The following SPAG9 variants were observed in gnomAD, a reference collection of about 807,000 sequenced individuals.
SPAG9 encodes the protein C-Jun-amino-terminal kinase-interacting protein 4.
SPAG9 carries 35 observed loss-of-function variants against 166.5 expected under a neutral mutation model. The ratio of observed to expected loss-of-function variants is 0.21; its 90% CI spans 0.16 to 0.28. The LOEUF (loss-of-function observed/expected upper bound fraction) is 0.28. SPAG9 is among the 10% of genes least tolerant of loss of function. SPAG9 has a pLI of 1.00. For missense variants in SPAG9, 1,235 were observed against 1,603.3 expected (o/e 0.77, Z 3.92); for synonymous variants, 534 against 565.5 (o/e 0.94, Z 0.79).
chr17:51,062,921 A>C (rs1294755355), intron 2 of SPAG9, among the ~76,000 whole-genome samples: 3 of 152,012 alleles, frequency 2.0e-5, no homozygotes, highest in Non-Finnish European at 4.4e-5. Flanking sequence ...CAAACAGTTT[A>C]TTTCTTTTTA....
chr17:51,072,843 T>C (rs1259903340), intron 2 of SPAG9, among the ~76,000 whole-genome samples: 2 of 152,180 alleles, frequency 1.3e-5, no homozygotes, highest in Admixed American at 6.5e-5. Flanking sequence ...TTTCCAATAG[T>C]ATAGGGAACT....
At chr17:51,020,072 C>G in intron 8 of SPAG9, 87 bp downstream of exon 8, 1 of 725,898 alleles carries the variant, frequency 1.4e-6, no homozygotes, top group Non-Finnish European at 2.4e-6. Context: ...ACATCTGAAT[C>G]CATTTTGTCC....
At chr17:51,094,380 T>C (rs2048554795) in intron 1 of SPAG9, among the ~76,000 whole-genome samples, 1 of 152,174 alleles carries the variant, frequency 6.6e-6, no homozygotes, top group Admixed American at 6.5e-5. Context: ...ATGAAAACTA[T>C]AATTAATATA....
intron 2 of SPAG9, among the ~76,000 whole-genome samples, chr17:51,067,612 C>A (rs2047708878): frequency 6.6e-6 from 1 of 151,956 alleles, no homozygotes; most frequent in Non-Finnish European, 1.5e-5. Context: ...TAGCTCCAAG[C>A]CGAGATTAAC....
At chr17:51,095,798 TGATATATAGTGA>T (rs1238633822) in intron 1 of SPAG9, among the ~76,000 whole-genome samples, 1 of 143,252 alleles carries the variant, frequency 7.0e-6, no homozygotes, top group Non-Finnish European at 1.5e-5. Flanking sequence ...ATACGTATAG[TGATATATAGTGA>T]GATATATATA....
intron 2 of SPAG9, among the ~76,000 whole-genome samples, chr17:51,062,215 A>G (rs914716651): frequency 6.6e-6 from 1 of 152,126 alleles, no homozygotes; most frequent in Non-Finnish European, 1.5e-5. Context: ...AACCTCCCCT[A>G]CCATCAACAT....
chr17:51,062,751 T>C (rs2047553166), intron 2 of SPAG9, among the ~76,000 whole-genome samples: 1 of 152,084 alleles, frequency 6.6e-6, no homozygotes, highest in African/African-American at 2.4e-5. Flanking sequence ...CCACCATGCC[T>C]GGCTAATTTT....
At chr17:51,118,713 T>G (rs946151463) in intron 1 of SPAG9, among the ~76,000 whole-genome samples, 2 of 152,204 alleles carry the variant, frequency 1.3e-5, no homozygotes, top group African/African-American at 4.8e-5. Context: ...TTTTCATCCC[T>G]TCCTTCCCTA....
intron 14 of SPAG9, 130 bp downstream of exon 14, chr17:50,999,531 C>T: frequency 6.8e-7 from 1 of 1,460,306 alleles, no homozygotes; most frequent in Non-Finnish European, 9.1e-7. Context: ...AGCTACTTAA[C>T]CATTACCCCT....
intron 1 of SPAG9, among the ~76,000 whole-genome samples, chr17:51,092,990 C>T (rs1344003666): frequency 6.8e-6 from 1 of 147,568 alleles, no homozygotes; most frequent in Admixed American, 6.9e-5. Context: ...TTGGTAACTG[C>T]TGAAGTTGAA....
intron 2 of SPAG9, among the ~76,000 whole-genome samples, chr17:51,060,992 C>T (rs560018567): frequency 6.6e-5 from 10 of 151,678 alleles, no homozygotes; most frequent in African/African-American, 1.7e-4. Context: ...GGACTATAGG[C>T]GTGCACCACC....
chr17:51,084,976 G>A (rs998406373), intron 1 of SPAG9, among the ~76,000 whole-genome samples: 6 of 151,930 alleles, frequency 3.9e-5, no homozygotes, highest in Admixed American at 1.3e-4. Flanking sequence ...TCAGCCTCCC[G>A]AGTAGCTAGG....
chr17:51,041,568 TCTC>T lies in SPAG9; in HGVS notation c.671_673del (p.Gly224del). 1 of 1,613,858 alleles carries T rather than the reference TCTC, an allele frequency of 6.2e-7. No homozygotes were observed. Among genetic ancestry groups the T allele is most frequent in the Non-Finnish European group, 8.5e-7 (1 of 1,179,792 alleles). On this transcript the variant is annotated inframe_deletion, in exon 5 of 30. Transcript: ENST00000262013. ...TTTCCATTGCTCAGATCCAGGGGTC[TCTC>T]CTCCTTTCTGAGCATCAGGTGTAAG...
In SPAG9 at chr17:51,120,300, C is replaced by T; in HGVS notation, c.303+54G>A. The stretch of plus-strand genomic sequence containing the variant: ...GTCCCCGACCGGGCCGCGACCCCGC[C>T]CCGGCCGCCCCCGGAGACGGATCCC... On this transcript the variant is annotated intron_variant, in intron 1 of 29. Coordinates refer to ENST00000262013, the MANE Select transcript of SPAG9 (RefSeq NM_001130528.3). This position sits in a 1 kb window ranked among gnomAD's most constrained non-coding sequence, Gnocchi z 4.7. The T allele has an allele frequency of 7.0e-7, 1 of 1,437,504 alleles. No homozygotes were observed. The highest frequency in any genetic ancestry group is 2.6e-5 in the East Asian group (1 of 38,668). 89.0% of individuals were successfully genotyped at this position (1,437,504 alleles called of 1,614,324 possible).
Position 50,979,681 on chromosome 17 carries a change from CACAT to C in SPAG9, c.3409+61_3409+64del, listed in dbSNP as rs1974452941. 11 of 1,484,942 alleles carry C rather than the reference CACAT, an allele frequency of 7.4e-6. No individual in the cohort carries two copies. In the Middle Eastern group the frequency reaches 1.3e-3, roughly 178 times the overall value. 92.0% of individuals were successfully genotyped at this position (1,484,942 alleles called of 1,614,324 possible). A position where few individuals can be genotyped will look rare whatever the true frequency, so the allele number is the denominator to read the frequency against. On this transcript the variant is annotated intron_variant, in intron 26 of 29. Transcript: ENST00000262013. ...CAAAGCAAGACCTCATTTCAATAAA[CACAT>C]AGATAGATAAAATAAAACACCCTCT...
intron 5 of SPAG9, among the ~76,000 whole-genome samples, chr17:51,037,309 A>G (rs1488171551): frequency 1.3e-5 from 2 of 151,990 alleles, no homozygotes; most frequent in Admixed American, 6.6e-5. Flanking sequence ...GCTTGACACT[A>G]GAGGAATAAA....
chr17:51,011,462 A>G (rs2045481872), intron 9 of SPAG9, among the ~76,000 whole-genome samples: 1 of 150,538 alleles, frequency 6.6e-6, no homozygotes, highest in African/African-American at 2.5e-5. Flanking sequence ...GGCTCTCCGC[A>G]ACCTCCACCT....
At chr17:50,981,119 C>A (rs1049318461) in intron 25 of SPAG9, among the ~76,000 whole-genome samples, 1 of 152,098 alleles carries the variant, frequency 6.6e-6, no homozygotes, top group Non-Finnish European at 1.5e-5. Flanking sequence ...ATCTGAAATG[C>A]TTTAAAATCT....
intron 29 of SPAG9, among the ~76,000 whole-genome samples, chr17:50,968,965 C>G (rs1407189915): frequency 6.6e-6 from 1 of 151,662 alleles, no homozygotes; most frequent in Non-Finnish European, 1.5e-5. Context: ...TGGAGTCTCA[C>G]TCTGTCACCC....
Sources: allele counts gnomAD v4.1 joint callset (sites outside exome capture counted in the v4.1 genomes callset), GRCh38; gene constraint gnomAD v4.1.1; non-coding constraint Gnocchi (gnomAD v3.1); transcripts MANE v1.5; gene names NCBI Gene and HGNC (gene_info 2026-07-23, HGNC 2026-07-21).